IQCJ: variants seen among roughly 807,000 people sequenced by gnomAD.
IQCJ encodes IQ domain-containing protein J.
Under a neutral mutation model 11.0 loss-of-function variants are expected in IQCJ, and 9 were observed. That is an observed-to-expected ratio of 0.82 (90% CI 0.49 to 1.43). The LOEUF (loss-of-function observed/expected upper bound fraction) is 1.43, where lower values mean the gene tolerates loss of function less well. Ranked by LOEUF, IQCJ falls within the 40% of genes most tolerant of loss-of-function variation. The pLI, the probability that IQCJ is intolerant of heterozygous loss-of-function variation, is 0.00. For synonymous variants in IQCJ, 55 were observed against 51.3 expected, an observed-to-expected ratio of 1.07 and a Z score of -0.31; for missense variants, 146 against 133.2, an observed-to-expected ratio of 1.10 and a Z score of -0.47.
rs78795799 is a variant in IQCJ at position 159,260,224 on chromosome 3, T to C, written c.156-2324T>C. Reference sequence around the variant, plus strand: ...CCTCTCATCTCAGTTTTGCCCAATGTTATTTGGTTCTTTAGAGGTGTCACA... The same window carrying C: ...CCTCTCATCTCAGTTTTGCCCAATGCTATTTGGTTCTTTAGAGGTGTCACA... On this transcript the variant is annotated intron_variant, in intron 3 of 3. Coordinates refer to ENST00000397832, the MANE Select transcript of IQCJ (RefSeq NM_001042706.3). 4.1e-3 allele frequency among the ~76,000 whole-genome samples: 629 copies of C among 152,302 alleles called. 5 individuals are homozygous for C. The highest frequency in any genetic ancestry group is 0.014 in the African/African-American group (595 of 41,574).
At chr3:159,173,498 T>A (rs1722611477) in intron 1 of IQCJ, among the ~76,000 whole-genome samples, 1 of 152,236 alleles carries the variant, frequency 6.6e-6, no homozygotes, top group Admixed American at 6.5e-5. Context: ...GCAGGATAGT[T>A]TTACGTTACC....
chr3:159,076,251 A>G (rs1376594129), intron 1 of IQCJ, among the ~76,000 whole-genome samples: 1 of 152,024 alleles, frequency 6.6e-6, no homozygotes, highest in Non-Finnish European at 1.5e-5. Flanking sequence ...GAATTGGGAG[A>G]CTTTAATTCT....
chr3:159,140,366 A>T (rs1270229523), intron 1 of IQCJ, among the ~76,000 whole-genome samples: 1 of 152,224 alleles, frequency 6.6e-6, no homozygotes, highest in Non-Finnish European at 1.5e-5. Context: ...CCCCTGGAGA[A>T]GGAAAAGAAG....
intron 1 of IQCJ, among the ~76,000 whole-genome samples, chr3:159,152,045 A>G (rs903600942): frequency 2.6e-5 from 4 of 152,154 alleles, no homozygotes; most frequent in East Asian, 1.9e-4. Flanking sequence ...TTTGTGATCC[A>G]TGCTCGATTT....
intron 1 of IQCJ, among the ~76,000 whole-genome samples, chr3:159,104,327 C>T (rs937252679): frequency 3.3e-5 from 5 of 152,188 alleles, no homozygotes; most frequent in South Asian, 2.1e-4. Context: ...TTATTTTCTT[C>T]TTAGCTCCTA....
chr3:159,218,796 G>GA (rs1407078345), intron 1 of IQCJ, among the ~76,000 whole-genome samples: 1 of 152,130 alleles, frequency 6.6e-6, no homozygotes, highest in Non-Finnish European at 1.5e-5. Context: ...AACCAACACA[G>GA]ATTTATGATC....
chr3:159,172,842 A>C (rs1405918690), intron 1 of IQCJ, among the ~76,000 whole-genome samples: 1 of 152,154 alleles, frequency 6.6e-6, no homozygotes, highest in Non-Finnish European at 1.5e-5. Flanking sequence ...AATGAAACTC[A>C]TCTCTATTCA....
intron 1 of IQCJ, among the ~76,000 whole-genome samples, chr3:159,211,126 C>T (rs1231784885): frequency 6.6e-6 from 1 of 151,928 alleles, no homozygotes; most frequent in Non-Finnish European, 1.5e-5. Context: ...AACTAAAGAG[C>T]AAATCAGTAT....
intron 1 of IQCJ, among the ~76,000 whole-genome samples, chr3:159,210,903 C>A (rs1724917715): frequency 6.6e-6 from 1 of 150,578 alleles, no homozygotes; most frequent in Non-Finnish European, 1.5e-5. Context: ...AACTCCTGAC[C>A]TCAGGTGATC....
intron 3 of IQCJ, 90 bp downstream of exon 3, chr3:159,252,897 C>A (rs1727685787): frequency 2.4e-6 from 3 of 1,254,194 alleles, no homozygotes; most frequent in African/African-American, 3.0e-5. Context: ...AACAGTTATG[C>A]ATCTTTATTT....
intron 2 of IQCJ, among the ~76,000 whole-genome samples, chr3:159,250,523 A>G (rs1032139564): frequency 2.0e-5 from 3 of 152,180 alleles, no homozygotes; most frequent in Admixed American, 6.5e-5. Context: ...AAAGAGATTT[A>G]ATTAACTCAC....
In IQCJ at chr3:159,230,789, G is replaced by A. The variant is rs149040482; in HGVS notation, c.10-15054G>A. Among the ~76,000 whole-genome samples, 33 of 152,164 alleles carry A rather than the reference G, an allele frequency of 2.2e-4. No homozygotes were observed. In the East Asian group the frequency reaches 4.6e-3, roughly 21 times the overall value. On this transcript the variant is annotated intron_variant, in intron 1 of 3. Coordinates refer to ENST00000397832, the MANE Select transcript of IQCJ (RefSeq NM_001042706.3). ...AGCCATATTAATTTAAAAATTACAC[G>A]ATATTCACTTTCTGTCTTATCCAGG...
intron 1 of IQCJ, among the ~76,000 whole-genome samples, chr3:159,159,134 G>A (rs942554295): frequency 6.6e-6 from 1 of 152,198 alleles, no homozygotes; most frequent in South Asian, 2.1e-4. Context: ...TGGGTGTGCT[G>A]AGTAAGCTAA....
At chr3:159,083,740 A>T (rs1053911609) in intron 1 of IQCJ, among the ~76,000 whole-genome samples, 3 of 152,164 alleles carry the variant, frequency 2.0e-5, no homozygotes, top group African/African-American at 7.2e-5. Flanking sequence ...GGTTAGTCAA[A>T]CTGTGGTGTG....
At chr3:159,077,419 T>C (rs1002496182) in intron 1 of IQCJ, among the ~76,000 whole-genome samples, 2 of 152,158 alleles carry the variant, frequency 1.3e-5, no homozygotes, top group African/African-American at 4.8e-5. Flanking sequence ...GTTGCAGCAT[T>C]GTTTGTGTTA....
intron 1 of IQCJ, among the ~76,000 whole-genome samples, chr3:159,092,184 A>G (rs1171738738): frequency 6.6e-6 from 1 of 151,858 alleles, no homozygotes; most frequent in African/African-American, 2.4e-5. Flanking sequence ...TGAATACAAT[A>G]TCACCTACAT....
At chr3:159,154,516 C>T (rs1181026617) in intron 1 of IQCJ, among the ~76,000 whole-genome samples, 1 of 152,050 alleles carries the variant, frequency 6.6e-6, no homozygotes, top group Admixed American at 6.6e-5. Context: ...AGAGACTTCT[C>T]GAATACTATG....
chr3:159,089,920 C>T (rs527560606), intron 1 of IQCJ, among the ~76,000 whole-genome samples: 1 of 151,864 alleles, frequency 6.6e-6, no homozygotes, highest in Non-Finnish European at 1.5e-5. Flanking sequence ...TCTCTCAGCT[C>T]GTCAAAGTTA....
intron 1 of IQCJ, among the ~76,000 whole-genome samples, chr3:159,233,795 C>G (rs2108159966): frequency 6.6e-6 from 1 of 152,200 alleles, no homozygotes; most frequent in African/African-American, 2.4e-5. Flanking sequence ...ATGACCAGCA[C>G]TTTAGAGTAC....
Sources: allele counts gnomAD v4.1 joint callset (sites outside exome capture counted in the v4.1 genomes callset), GRCh38; gene constraint gnomAD v4.1.1; transcripts MANE v1.5; gene names NCBI Gene and HGNC (gene_info 2026-07-23, HGNC 2026-07-21).